Variants in DRC11L observed in about 807,000 individuals in gnomAD.
DRC11L encodes dynein regulatory complex subunit like-11.
the DRC11L span, chr7:151,204,376 C>CA: frequency 1.5e-5 from 6 of 395,592 alleles, no homozygotes; most frequent in Non-Finnish European, 4.5e-6. Context: ...TGGTCGGCCC[C>CA]ATCCCTACCC....
the DRC11L span, chr7:151,195,822 C>T: frequency 7.7e-6 from 3 of 391,232 alleles, no homozygotes; most frequent in African/African-American, 2.1e-5. Flanking sequence ...CCGAACATTC[C>T]TCTGCATTCC....
the DRC11L span, chr7:151,196,022 T>C: frequency 7.7e-4 from 176 of 229,832 alleles, 2 homozygotes; most frequent in South Asian, 0.011. Context: ...GTGTGTACCA[T>C]CAGGAAAACC....
At chr7:151,202,497 T>C in the DRC11L span, among the ~76,000 whole-genome samples, 3 of 152,204 alleles carry the variant, frequency 2.0e-5, no homozygotes, top group Non-Finnish European at 4.4e-5. Flanking sequence ...AGATGTAGAT[T>C]AAATAATAAA....
chr7:151,192,746 C>G, the DRC11L span: 1 of 399,056 alleles, frequency 2.5e-6, no homozygotes. Context: ...CCCTCACCTC[C>G]TTGTCTTCTT....
chr7:151,203,457 G>A, the DRC11L span: 10 of 398,958 alleles, frequency 2.5e-5, no homozygotes, highest in Non-Finnish European at 4.0e-5. Flanking sequence ...CCTCGCTCCC[G>A]CACAGTGGTG....
chr7:151,191,939 G>T, the DRC11L span: 1 of 399,186 alleles, frequency 2.5e-6, no homozygotes, highest in Non-Finnish European at 4.4e-6. Flanking sequence ...GGGCAACAAG[G>T]CCTGAGCAGC....
chr7:151,194,138 C>T, the DRC11L span: 88 of 389,968 alleles, frequency 2.3e-4, no homozygotes, highest in Non-Finnish European at 3.4e-4. Flanking sequence ...GCAGGAGGAC[C>T]TGGGGCTTGG....
At chr7:151,204,386 C>G in the DRC11L span, 2 of 392,578 alleles carry the variant, frequency 5.1e-6, no homozygotes, top group South Asian at 1.4e-4. Context: ...CATCCCTACC[C>G]CACCCGACCC....
At chr7:151,191,312 C>A in the DRC11L span, among the ~76,000 whole-genome samples, 1 of 152,158 alleles carries the variant, frequency 6.6e-6, no homozygotes. Flanking sequence ...GCCCTCTCTC[C>A]TGCATTCCCA....
At chr7:151,199,036 G>A in the DRC11L span, 9 of 398,832 alleles carry the variant, frequency 2.3e-5, no homozygotes, top group Non-Finnish European at 4.0e-5. This position sits in a 1 kb window ranked among gnomAD's most constrained non-coding sequence, Gnocchi z 5.2. Flanking sequence ...GAGGGGCTCA[G>A]GAGTGGGAGG....
chr7:151,197,313 C>T, the DRC11L span: 2 of 398,938 alleles, frequency 5.0e-6, no homozygotes, highest in Admixed American at 4.4e-5. Flanking sequence ...TCTGCATTTC[C>T]AGTTCCATTC....
At chr7:151,201,538 A>G in the DRC11L span, among the ~76,000 whole-genome samples, 1 of 152,210 alleles carries the variant, frequency 6.6e-6, no homozygotes, top group Admixed American at 6.5e-5. The surrounding 1 kb of genome is among the most constrained non-coding windows in gnomAD (Gnocchi z 4.1). Flanking sequence ...GTGTACTGAT[A>G]AGTAATGCAC....
At chr7:151,198,651 T>G in the DRC11L span, 1 of 395,394 alleles carries the variant, frequency 2.5e-6, no homozygotes, top group Non-Finnish European at 4.5e-6. Flanking sequence ...GGGTCAGCAG[T>G]GTGTTGGGGA....
chr7:151,195,921 G>A, the DRC11L span: 2 of 324,658 alleles, frequency 6.2e-6, no homozygotes, highest in Non-Finnish European at 5.6e-6. Context: ...TCAACATGCG[G>A]AGAAGCCCCC....
At chr7:151,194,747 T>C in the DRC11L span, 5 of 393,178 alleles carry the variant, frequency 1.3e-5, no homozygotes, top group Non-Finnish European at 2.2e-5. Flanking sequence ...GTCAAAAACA[T>C]CTACAGTGCC....
the DRC11L span, among the ~76,000 whole-genome samples, chr7:151,199,819 G>T: frequency 1.4e-4 from 21 of 152,260 alleles, 1 homozygote; most frequent in Non-Finnish European, 1.8e-4. This position sits in a 1 kb window ranked among gnomAD's most constrained non-coding sequence, Gnocchi z 5.2. Flanking sequence ...CTCCAGGCTC[G>T]GCCTGCCTTT....
At chr7:151,203,049 CTT>C in the DRC11L span, 1 of 399,536 alleles carries the variant, frequency 2.5e-6, no homozygotes, top group Middle Eastern at 6.2e-4. Flanking sequence ...CCCGCTCTGC[CTT>C]TTGCACTAGA....
chr7:151,195,604 C>T, the DRC11L span: 2 of 399,798 alleles, frequency 5.0e-6, no homozygotes, highest in Non-Finnish European at 8.8e-6. Flanking sequence ...CTTTCTTCCT[C>T]CTTGTCCACA....
At chr7:151,191,093 T>C in the DRC11L span, 29 of 399,358 alleles carry the variant, frequency 7.3e-5, no homozygotes, top group African/African-American at 5.1e-4. Context: ...CAGTCCTGGG[T>C]TGGTGGGTAC....
Sources: allele counts gnomAD v4.1 joint callset (sites outside exome capture counted in the v4.1 genomes callset), GRCh38; gene constraint gnomAD v4.1.1; non-coding constraint Gnocchi (gnomAD v3.1); transcripts MANE v1.5; gene names NCBI Gene and HGNC (gene_info 2026-07-23, HGNC 2026-07-21).